GRID1: variants seen among roughly 807,000 people sequenced by gnomAD.
The protein encoded by GRID1 is glutamate receptor ionotropic, delta-1.
In GRID1, 28 loss-of-function variants were observed where a neutral mutation model predicts 98.0. The ratio of observed to expected loss-of-function variants is 0.29; its 90% confidence interval spans 0.21 to 0.39. GRID1 has a LOEUF of 0.39. Among genes scored for constraint, GRID1 ranks in the 10% least tolerant of loss-of-function variants. GRID1 has a pLI of 1.00. For missense variants in GRID1, 1,111 were observed against 1,340.5 expected (o/e 0.83, Z 2.67); for synonymous variants, 553 against 538.5 (o/e 1.03, Z -0.37).
intron 8 of GRID1, among the ~76,000 whole-genome samples, chr10:85,770,375 G>GAAA (rs772351901): frequency 5.3e-5 from 8 of 151,746 alleles, no homozygotes; most frequent in Non-Finnish European, 1.2e-4. Context: ...CAAAGATGGG[G>GAAA]AAAAAAAAGA....
chr10:86,196,875 C>T (rs897351214), intron 3 of GRID1, among the ~76,000 whole-genome samples: 4 of 152,098 alleles, frequency 2.6e-5, no homozygotes, highest in Admixed American at 2.6e-4. Flanking sequence ...TATATTACTG[C>T]TGTAATTGGT....
intron 2 of GRID1, among the ~76,000 whole-genome samples, chr10:86,305,572 C>T (rs1847748344): frequency 6.6e-6 from 1 of 152,174 alleles, no homozygotes; most frequent in South Asian, 2.1e-4. Context: ...GCTGTGGAGG[C>T]AGCAGCCAGT....
At chr10:85,730,341 C>G (rs1425411647) in intron 8 of GRID1, among the ~76,000 whole-genome samples, 1 of 152,232 alleles carries the variant, frequency 6.6e-6, no homozygotes, top group Non-Finnish European at 1.5e-5. Flanking sequence ...GAGACTGCTT[C>G]CCCTCCCTGC....
intron 2 of GRID1, among the ~76,000 whole-genome samples, chr10:86,232,754 C>A (rs149966178): frequency 2.0e-5 from 3 of 152,260 alleles, no homozygotes; most frequent in Non-Finnish European, 2.9e-5. Flanking sequence ...CAGTCTTTTG[C>A]AGGGAGGGAA....
At chr10:85,771,579 T>C (rs551373399) in intron 8 of GRID1, among the ~76,000 whole-genome samples, 121 of 151,974 alleles carry the variant, frequency 8.0e-4, no homozygotes, top group South Asian at 4.6e-3. Context: ...AGGAAACCCA[T>C]CTCATGTGCA....
At chr10:86,035,809 T>A (rs74831408) in intron 4 of GRID1, among the ~76,000 whole-genome samples, 6,461 of 152,094 alleles carry the variant, frequency 0.042, 403 homozygotes, top group African/African-American at 0.14. Context: ...TAATAATAAA[T>A]AGATATAAGG....
At chr10:85,651,141 C>G (rs1843263462) in intron 12 of GRID1, among the ~76,000 whole-genome samples, 1 of 152,232 alleles carries the variant, frequency 6.6e-6, no homozygotes, top group Non-Finnish European at 1.5e-5. Context: ...GTTCTATAAT[C>G]TCTGAAGCCT....
At chr10:85,944,608 G>C (rs545162639) in intron 4 of GRID1, among the ~76,000 whole-genome samples, 8 of 152,240 alleles carry the variant, frequency 5.3e-5, no homozygotes, top group Admixed American at 2.0e-4. Context: ...GGCTGTATTG[G>C]GGGAGGAGGA....
At chr10:85,672,567 A>G (rs1466310609) in intron 12 of GRID1, among the ~76,000 whole-genome samples, 1 of 152,028 alleles carries the variant, frequency 6.6e-6, no homozygotes, top group African/African-American at 2.4e-5. Context: ...CAGCCTCCCA[A>G]AGTGCTGGGA....
intron 12 of GRID1, among the ~76,000 whole-genome samples, chr10:85,697,145 TGAGG>T (rs1841403224): frequency 6.6e-6 from 1 of 152,184 alleles, no homozygotes; most frequent in Non-Finnish European, 1.5e-5. Flanking sequence ...TCAAGTTAGC[TGAGG>T]GTATTGTACA....
At chr10:85,835,097 T>A (rs1842901537) in intron 8 of GRID1, among the ~76,000 whole-genome samples, 1 of 152,102 alleles carries the variant, frequency 6.6e-6, no homozygotes, top group South Asian at 2.1e-4. Context: ...CATTACAAAA[T>A]TTTAAAAGGA....
chr10:85,716,688 T>G (rs566935680), intron 12 of GRID1, among the ~76,000 whole-genome samples: 35 of 148,342 alleles, frequency 2.4e-4, no homozygotes, highest in Admixed American at 1.0e-3. Flanking sequence ...TTGTATATAT[T>G]ATATATACAT....
At chr10:86,027,831 C>T (rs889099871) in intron 4 of GRID1, among the ~76,000 whole-genome samples, 14 of 152,226 alleles carry the variant, frequency 9.2e-5, no homozygotes, top group Non-Finnish European at 2.1e-4. Context: ...CACATTATCA[C>T]AACAGTCATT....
chr10:85,852,009 C>A (rs1238453171), intron 8 of GRID1, among the ~76,000 whole-genome samples: 1 of 152,096 alleles, frequency 6.6e-6, no homozygotes, highest in Middle Eastern at 3.2e-3. Context: ...CCAAATGCTG[C>A]CCTACCCCCA....
At chr10:86,324,564 A>G (rs1217940874) in intron 2 of GRID1, among the ~76,000 whole-genome samples, 1 of 151,752 alleles carries the variant, frequency 6.6e-6, no homozygotes, top group East Asian at 1.9e-4. Context: ...AGTCCCACCC[A>G]AAGGACACAG....
In GRID1 at chr10:86,207,845, T is replaced by C. The variant is rs534937620; in HGVS notation, c.236-1197A>G. Among the ~76,000 whole-genome samples, 9 of 152,216 alleles carry C rather than the reference T, an allele frequency of 5.9e-5. No individual in the cohort carries two copies. In the East Asian group the frequency reaches 1.7e-3, roughly 29 times the overall value. Reference sequence around the variant, plus strand: ...CGGAGTTTCACCGTGTTAGCCAGGATGGTCTCGATCTCCTGACCTCGTGAT... The same window carrying C: ...CGGAGTTTCACCGTGTTAGCCAGGACGGTCTCGATCTCCTGACCTCGTGAT... On this transcript the variant is annotated intron_variant, in intron 2 of 15. Coordinates refer to ENST00000327946, the MANE Select transcript of GRID1 (RefSeq NM_017551.3).
chr10:85,711,263 A>G (rs1841579119), intron 12 of GRID1, among the ~76,000 whole-genome samples: 1 of 151,996 alleles, frequency 6.6e-6, no homozygotes, highest in Non-Finnish European at 1.5e-5. Flanking sequence ...ATAAAATATG[A>G]TATATACATT....
At chr10:86,052,729 T>C (rs1041696164) in intron 4 of GRID1, among the ~76,000 whole-genome samples, 1 of 152,008 alleles carries the variant, frequency 6.6e-6, no homozygotes, top group Non-Finnish European at 1.5e-5. Context: ...TCAAACTCTG[T>C]GGAACTAAAG....
chr10:85,951,373 T>C (rs2131843747), intron 4 of GRID1, among the ~76,000 whole-genome samples: 1 of 152,120 alleles, frequency 6.6e-6, no homozygotes, highest in Non-Finnish European at 1.5e-5. Flanking sequence ...GACCTCCCCA[T>C]TAAGTGTGCT....
Sources: allele counts gnomAD v4.1 joint callset (sites outside exome capture counted in the v4.1 genomes callset), GRCh38; gene constraint gnomAD v4.1.1; transcripts MANE v1.5; gene names NCBI Gene and HGNC (gene_info 2026-07-23, HGNC 2026-07-21).